Variants in CPEB1 observed in about 807,000 individuals in gnomAD.
The protein encoded by CPEB1 is cytoplasmic polyadenylation element-binding protein 1.
Under a neutral mutation model 65.8 loss-of-function variants are expected in CPEB1, and 7 were observed. The observed-to-expected ratio is 0.11, with a 90% CI of 0.06 to 0.20. CPEB1 has a LOEUF of 0.20. Ranked by LOEUF, CPEB1 falls within the 10% of genes least tolerant of loss-of-function variation. The probability of loss-of-function intolerance (pLI) is 1.00; values close to 1 mark genes in which losing one functional copy is unlikely to be tolerated. For synonymous variants in CPEB1, 262 were observed against 260.0 expected, an observed-to-expected ratio of 1.01 and a Z score of -0.08; for missense variants, 551 against 712.2, an observed-to-expected ratio of 0.77 and a Z score of 2.58.
chr15:82,578,782 C>T (rs2040929467), intron 3 of CPEB1, among the ~76,000 whole-genome samples: 1 of 151,922 alleles, frequency 6.6e-6, no homozygotes, highest in African/African-American at 2.4e-5. Flanking sequence ...CAAAAAAAAC[C>T]CCAAGTCATT....
At chr15:82,577,392 T>A (rs566765872) in intron 3 of CPEB1, among the ~76,000 whole-genome samples, 7 of 152,112 alleles carry the variant, frequency 4.6e-5, no homozygotes, top group African/African-American at 9.6e-5. Context: ...CTTAAAAAAT[T>A]TTTTTTTAAT....
At chr15:82,606,921 C>T (rs2151220683) in intron 3 of CPEB1, among the ~76,000 whole-genome samples, 1 of 151,738 alleles carries the variant, frequency 6.6e-6, no homozygotes, top group South Asian at 2.1e-4. Flanking sequence ...TCACTTAAGG[C>T]CAGGAGTTTG....
At chr15:82,547,798 A>G (rs1488810569) in intron 10 of CPEB1, among the ~76,000 whole-genome samples, 2 of 152,036 alleles carry the variant, frequency 1.3e-5, no homozygotes, top group Non-Finnish European at 2.9e-5. Flanking sequence ...CAGCCTCCCA[A>G]GTAGCTGGGA....
chr15:82,638,077 A>C, intron 1 of CPEB1: 1 of 415,132 alleles, frequency 2.4e-6, no homozygotes, highest in South Asian at 1.8e-5. Context: ...ATGTGTTGTC[A>C]TGTGTTATTC....
At chr15:82,568,728 C>G (rs8029907) in intron 4 of CPEB1, among the ~76,000 whole-genome samples, 3,347 of 152,280 alleles carry the variant, frequency 0.022, 125 homozygotes, top group African/African-American at 0.076. Context: ...CCTATCATAG[C>G]AGATGCAGCA....
intron 3 of CPEB1, among the ~76,000 whole-genome samples, chr15:82,590,801 G>A (rs988249200): frequency 1.3e-5 from 2 of 152,184 alleles, no homozygotes; most frequent in African/African-American, 4.8e-5. Flanking sequence ...GTTTGCTAAG[G>A]ATTATGGCCT....
chr15:82,589,991 G>A (rs2042094798), intron 3 of CPEB1, among the ~76,000 whole-genome samples: 1 of 152,092 alleles, frequency 6.6e-6, no homozygotes, highest in South Asian at 2.1e-4. Flanking sequence ...GGCATTTGTG[G>A]ATTTGGGTTA....
chr15:82,637,741 A>G (rs1451208204), intron 1 of CPEB1, among the ~76,000 whole-genome samples: 1 of 152,188 alleles, frequency 6.6e-6, no homozygotes, highest in African/African-American at 2.4e-5. Flanking sequence ...TCTGGAAAGT[A>G]CAAATCTAAT....
intron 3 of CPEB1, among the ~76,000 whole-genome samples, chr15:82,625,720 C>A (rs2045704609): frequency 6.6e-6 from 1 of 152,196 alleles, no homozygotes; most frequent in Non-Finnish European, 1.5e-5. Context: ...TAGTGTTGCT[C>A]AAGGGTTGAC....
intron 3 of CPEB1, among the ~76,000 whole-genome samples, chr15:82,617,360 T>C (rs2044819167): frequency 6.6e-6 from 1 of 152,218 alleles, no homozygotes; most frequent in Non-Finnish European, 1.5e-5. Flanking sequence ...TATGAACATT[T>C]GTGTTAAGTT....
At chr15:82,610,570 AAT>A (rs1306659197) in intron 3 of CPEB1, among the ~76,000 whole-genome samples, 2 of 152,156 alleles carry the variant, frequency 1.3e-5, no homozygotes, top group African/African-American at 4.8e-5. Flanking sequence ...AGTAAAAAAA[AAT>A]CACATGATCA....
At chr15:82,557,293 G>T (rs915752338) in intron 5 of CPEB1, among the ~76,000 whole-genome samples, 4 of 152,172 alleles carry the variant, frequency 2.6e-5, no homozygotes, top group African/African-American at 9.7e-5. Context: ...AAAAAATACA[G>T]GAGCTACAGT....
At chr15:82,588,311 A>G (rs1185679843) in intron 3 of CPEB1, among the ~76,000 whole-genome samples, 1 of 152,136 alleles carries the variant, frequency 6.6e-6, no homozygotes, top group African/African-American at 2.4e-5. Context: ...TAGCATGTAC[A>G]ACTTCAAACA....
At chr15:82,575,418 G>A (rs1396876501) in intron 3 of CPEB1, among the ~76,000 whole-genome samples, 1 of 152,038 alleles carries the variant, frequency 6.6e-6, no homozygotes, top group Non-Finnish European at 1.5e-5. Flanking sequence ...AGAAGCAAGG[G>A]TTTCTTTATG....
chr15:82,571,109 A>T (rs913608965), intron 4 of CPEB1, among the ~76,000 whole-genome samples: 2 of 152,122 alleles, frequency 1.3e-5, no homozygotes, highest in Non-Finnish European at 2.9e-5. Flanking sequence ...GCAGACTAAC[A>T]ACTCCAGGGA....
intron 3 of CPEB1, among the ~76,000 whole-genome samples, chr15:82,605,553 C>T (rs913059024): frequency 2.0e-5 from 3 of 152,052 alleles, no homozygotes; most frequent in African/African-American, 7.2e-5. Context: ...TAGATGTTCT[C>T]ACCACAAAAA....
At chr15:82,593,722 T>C (rs2042446509) in intron 3 of CPEB1, among the ~76,000 whole-genome samples, 1 of 152,236 alleles carries the variant, frequency 6.6e-6, no homozygotes, top group Non-Finnish European at 1.5e-5. Flanking sequence ...ATGAAATGTA[T>C]TTCTTAAATA....
chr15:82,587,307 T>C (rs2041880382), intron 3 of CPEB1, among the ~76,000 whole-genome samples: 1 of 152,206 alleles, frequency 6.6e-6, no homozygotes, highest in Non-Finnish European at 1.5e-5. Context: ...TCAAAACTCT[T>C]TAACTTGGTA....
chr15:82,587,591 G>A (rs1019637156), intron 3 of CPEB1, among the ~76,000 whole-genome samples: 1 of 152,188 alleles, frequency 6.6e-6, no homozygotes, highest in African/African-American at 2.4e-5. Context: ...AACAACTGAA[G>A]TAGACTACAG....
Sources: gnomAD v4.1 joint callset for allele counts (sites outside exome capture counted in the v4.1 genomes callset) on GRCh38, gnomAD v4.1.1 for gene constraint, MANE v1.5 for transcripts, NCBI Gene and HGNC (gene_info 2026-07-23, HGNC 2026-07-21) for gene names.